Variants in KMT2A observed in about 807,000 individuals in gnomAD.
KMT2A encodes the protein lysine methyltransferase 2A, also known as histone-lysine N-methyltransferase 2A.
A neutral mutation model predicts 345.3 loss-of-function variants in KMT2A; 16 were observed. The ratio of observed to expected loss-of-function variants is 0.05; its 90% CI spans 0.03 to 0.07. The LOEUF is 0.07. Among genes scored for constraint, KMT2A ranks in the 10% least tolerant of loss-of-function variants. KMT2A has a pLI of 1.00. For missense variants in KMT2A, 3,272 were observed against 4,841.6 expected, an observed-to-expected ratio of 0.68 and a Z score of 9.62; for synonymous variants, 1,599 against 1,778.6, an observed-to-expected ratio of 0.90 and a Z score of 2.54.
chr11:118,500,025 A>C, intron 24 of KMT2A, 112 bp downstream of exon 24: 5 of 675,740 alleles, frequency 7.4e-6, no homozygotes. Flanking sequence ...AACTGCTACT[A>C]AAAATTAATC....
At chr11:118,437,004 T>G in intron 1 of KMT2A, 60 bp downstream of exon 1, 1 of 1,346,972 alleles carries the variant, frequency 7.4e-7, no homozygotes, top group Non-Finnish European at 9.6e-7. Flanking sequence ...CCCCCTCCCC[T>G]CCCCCATCCG....
Position 118,472,638 on chromosome 11 carries a change from T to G in KMT2A, c.1479T>G (p.Ser493=). 1 of 1,612,828 alleles carries G rather than the reference T, an allele frequency of 6.2e-7. No individual in the cohort carries two copies. The highest frequency in any genetic ancestry group is 8.5e-7 in the Non-Finnish European group (1 of 1,179,848). Reference sequence around the variant, plus strand: ...ATACCTCCACAGACTCTCAGGCTTCTGAGGAGATTCAGGTACTTCCTGAGG... The same window carrying G: ...ATACCTCCACAGACTCTCAGGCTTCGGAGGAGATTCAGGTACTTCCTGAGG... The part of the protein sequence containing the change: ...SVDTSTDSQA[S]EEIQVLPEER... The change falls in exon 3 of 36, where the codon TCT becomes TCG. Residue 493 remains serine (S), a synonymous_variant. Transcript: ENST00000534358.
At position 118,489,904 on chromosome 11, in the gene KMT2A, A is replaced by T. The variant is rs1555042012; in HGVS notation, c.4575+17A>T. On this transcript the variant is annotated intron_variant, in intron 12 of 35. Transcript: ENST00000534358. ...AAAGTCTGGGTGAGTTATACACATG[A>T]TGCTCTTTTATAGAGAACCACCATG... The T allele has an allele frequency of 1.9e-6, 3 of 1,596,982 alleles. No individual in the cohort carries two copies. In the African/African-American group the frequency reaches 4.0e-5, roughly 21 times the overall value.
intron 1 of KMT2A, among the ~76,000 whole-genome samples, chr11:118,447,120 TG>T (rs1949438025): frequency 6.6e-6 from 1 of 152,220 alleles, no homozygotes; most frequent in Non-Finnish European, 1.5e-5. Flanking sequence ...CAGATTGTAC[TG>T]CTAGTTGAAA....
In KMT2A at chr11:118,473,441, G is replaced by A; in HGVS notation, c.2282G>A (p.Arg761Lys). ...CACTCCATGAGGACAAGAAGTGGAAGGCTTAGTAGTTCTGAGCTCTCACCT... is the reference window on the plus strand; with the variant it reads ...CACTCCATGAGGACAAGAAGTGGAAAGCTTAGTAGTTCTGAGCTCTCACCT... ...PSHSMRTRSG[R>K]LSSSELSPLT... Residue 761 changes from arginine to lysine, a missense_variant, in exon 3 of 36, where the codon AGG becomes AAG. By Grantham distance (26) the Arg-to-Lys change is conservative. Around this residue, in one of 27 missense-constraint regions of KMT2A, gnomAD observed 209 missense variants for 237.4 expected, o/e 0.88. Coordinates refer to ENST00000534358, the MANE Select transcript of KMT2A (RefSeq NM_001197104.2). This position sits in a 1 kb window ranked among gnomAD's most constrained non-coding sequence, Gnocchi z 5.2. 1 of 1,614,172 alleles carries A rather than the reference G, an allele frequency of 6.2e-7. No individual in the cohort carries two copies. The highest frequency in any genetic ancestry group is 8.5e-7 in the Non-Finnish European group (1 of 1,180,010).
intron 11 of KMT2A, 67 bp from the exon 12 acceptor site, chr11:118,489,725 A>G (rs2134332206): frequency 7.8e-7 from 1 of 1,284,350 alleles, no homozygotes; most frequent in Admixed American, 1.7e-5. Flanking sequence ...GAAATGGGGT[A>G]CTAAGTAATA....
intron 1 of KMT2A, among the ~76,000 whole-genome samples, chr11:118,452,909 G>T (rs1481906307): frequency 2.0e-5 from 3 of 150,804 alleles, no homozygotes; most frequent in Non-Finnish European, 4.4e-5. Flanking sequence ...TGGGATTGCA[G>T]GCGTGAGCCA....
intron 1 of KMT2A, among the ~76,000 whole-genome samples, chr11:118,440,340 G>A (rs782687082): frequency 2.0e-5 from 3 of 152,146 alleles, no homozygotes; most frequent in Non-Finnish European, 4.4e-5. Flanking sequence ...TAAGAAATCA[G>A]AGGTCCATTT....
chr11:118,502,447 A>G lies in KMT2A; in HGVS notation c.6555A>G (p.Leu2185=). Residue 2185 remains leucine (L), a synonymous_variant, in exon 27 of 36, where the codon TTA becomes TTG. Coordinates refer to ENST00000534358, the MANE Select transcript of KMT2A (RefSeq NM_001197104.2). This position sits in a 1 kb window ranked among gnomAD's most constrained non-coding sequence, Gnocchi z 4.9. ...THEIVTVGDP[L]LSSGLRSIGS... is the part of the protein sequence containing the mutation. Reference sequence around the variant, plus strand: ...AAATAGTCACAGTAGGTGATCCTTTACTCTCCTCTGGACTTCGAAGCATTG... The same window carrying G: ...AAATAGTCACAGTAGGTGATCCTTTGCTCTCCTCTGGACTTCGAAGCATTG... 6.2e-7 allele frequency: 1 copy of G among 1,612,956 alleles called. No individual in the cohort carries two copies. The highest frequency in any genetic ancestry group is 8.5e-7 in the Non-Finnish European group (1 of 1,179,536).
At chr11:118,440,780 T>TG (rs1949295556) in intron 1 of KMT2A, among the ~76,000 whole-genome samples, 1 of 150,318 alleles carries the variant, frequency 6.7e-6, no homozygotes, top group Non-Finnish European at 1.5e-5. Context: ...TAGGAGAGCG[T>TG]GATTTTTTTT....
chr11:118,487,689 G>A lies in KMT2A; in HGVS notation c.4333-925G>A, dbSNP rs551680091. Among the ~76,000 whole-genome samples, 6 of 152,128 alleles carry A rather than the reference G, an allele frequency of 3.9e-5. No homozygotes were observed. The East Asian group carries it at 7.7e-4, about 20-fold the overall frequency. ...GTGTATATTTTTAAAAATCAAGGAC[G>A]TTCTCGTATTTAACCATGGTATAAT... On this transcript the variant is annotated intron_variant, in intron 10 of 35. Coordinates refer to ENST00000534358, the MANE Select transcript of KMT2A (RefSeq NM_001197104.2).
Position 118,520,170 on chromosome 11 carries a change from T to C in KMT2A, c.11429+106T>C. ...TTGCATCAGAATTTCCTGGATAAGA[T>C]TTAAAAGGACTGAAAACCATTTGTG... On this transcript the variant is annotated intron_variant, in intron 33 of 35. Transcript: ENST00000534358. The surrounding 1 kb of genome is among the most constrained non-coding windows in gnomAD (Gnocchi z 4.3). The C allele has an allele frequency of 1.3e-6, 1 of 749,982 alleles. No homozygotes were observed. Among genetic ancestry groups the C allele is most frequent in the South Asian group, 1.8e-5 (1 of 56,692 alleles). 46.5% of individuals were successfully genotyped at this position (749,982 alleles called of 1,614,324 possible).
chr11:118,484,414 C>T lies in KMT2A; in HGVS notation c.4218+100C>T. The T allele has an allele frequency of 7.9e-7, 1 of 1,267,344 alleles. No homozygotes were observed. Among genetic ancestry groups the T allele is most frequent in the Non-Finnish European group, 1.1e-6 (1 of 905,034 alleles). The allele number at this position is 1,267,344 out of a possible 1,614,324, so 78.5% of individuals were successfully genotyped here. ...TGTTGAAAGAGGAAATCAGCACCAA[C>T]TGGGGGAATGAATAAGAACTCCCAT... On this transcript the variant is annotated intron_variant, in intron 9 of 35. Coordinates refer to ENST00000534358, the MANE Select transcript of KMT2A (RefSeq NM_001197104.2). This position sits in a 1 kb window ranked among gnomAD's most constrained non-coding sequence, Gnocchi z 4.1.
At chr11:118,519,495 T>C in intron 31 of KMT2A, 123 bp from the exon 32 acceptor site, 3 of 745,174 alleles carry the variant, frequency 4.0e-6, no homozygotes, top group Non-Finnish European at 6.8e-6. Context: ...CGAGCTAATA[T>C]GTACTATAAT....
Position 118,436,840 on chromosome 11 carries a change from C to A in KMT2A, c.328C>A (p.Pro110Thr). Residue 110 changes from proline to threonine, a missense_variant, in exon 1 of 36, where the codon CCG (proline) becomes ACG (threonine). Coordinates refer to ENST00000534358, the MANE Select transcript of KMT2A (RefSeq NM_001197104.2). This position sits in a 1 kb window ranked among gnomAD's most constrained non-coding sequence, Gnocchi z 6.9. ...AGGGCCGGCCCTGCTCCGGGTGGGCCCGGGCTTCGACGCGGCGCTGCAGGT... is the reference window on the plus strand; with the variant it reads ...AGGGCCGGCCCTGCTCCGGGTGGGCACGGGCTTCGACGCGGCGCTGCAGGT... ...SSGPALLRVGPGFDAALQVSA... is the reference protein window; with the variant it reads ...SSGPALLRVGTGFDAALQVSA... 6.2e-7 allele frequency: 1 copy of A among 1,605,428 alleles called. No homozygotes were observed. The highest frequency in any genetic ancestry group is 8.5e-7 in the Non-Finnish European group (1 of 1,176,504).
intron 31 of KMT2A, among the ~76,000 whole-genome samples, chr11:118,518,994 C>T (rs1286783508): frequency 3.9e-5 from 5 of 128,636 alleles, no homozygotes; most frequent in Admixed American, 9.2e-5. Flanking sequence ...AGGAGAATGG[C>T]GTGAACCCGG....
intron 6 of KMT2A, among the ~76,000 whole-genome samples, chr11:118,480,466 C>T (rs1242030738): frequency 6.6e-6 from 1 of 151,938 alleles, no homozygotes; most frequent in Non-Finnish European, 1.5e-5. Context: ...ATATAAAAAT[C>T]ATAGTTCATT....
At chr11:118,452,895 G>T (rs1949569509) in intron 1 of KMT2A, among the ~76,000 whole-genome samples, 1 of 152,028 alleles carries the variant, frequency 6.6e-6, no homozygotes, top group African/African-American at 2.4e-5. Flanking sequence ...GCCTCCCAAA[G>T]TGCTGGGATT....
chr11:118,445,263 T>G (rs987922496), intron 1 of KMT2A, among the ~76,000 whole-genome samples: 34 of 152,090 alleles, frequency 2.2e-4, no homozygotes, highest in African/African-American at 7.7e-4. Context: ...CTAAAGCATA[T>G]TAAAGATAAG....
Sources: gnomAD v4.1 joint callset for allele counts (sites outside exome capture counted in the v4.1 genomes callset) on GRCh38, gnomAD v4.1.1 for gene constraint, gnomAD v4.1.1 regional missense constraint, Gnocchi (gnomAD v3.1) non-coding constraint, MANE v1.5 for transcripts, NCBI Gene and HGNC (gene_info 2026-07-23, HGNC 2026-07-21) for gene names.